Variants in TRPC4 observed in about 807,000 individuals in gnomAD.
TRPC4 encodes short transient receptor potential channel 4.
In TRPC4, 49 loss-of-function variants were observed where a neutral mutation model predicts 99.4. The observed-to-expected ratio is 0.49, with a 90% CI of 0.39 to 0.63. TRPC4 has a LOEUF of 0.63. Ranked by LOEUF, TRPC4 falls within the 20% of genes least tolerant of loss-of-function variation. The pLI is 0.00. For synonymous variants in TRPC4, 454 were observed against 425.9 expected (o/e 1.07, Z -0.81); for missense variants, 898 against 1,152.9 (o/e 0.78, Z 3.20).
At position 37,634,405 on chromosome 13, in the gene TRPC4, A is replaced by G. The variant is rs1951459303; in HGVS notation, c.*2498T>C. Among the ~76,000 whole-genome samples, 1 of 152,004 alleles carries G rather than the reference A, an allele frequency of 6.6e-6. No individual in the cohort carries two copies. Among genetic ancestry groups the G allele is most frequent in the South Asian group, 2.1e-4 (1 of 4,830 alleles). ...TAATAATATCCAGCACTTTGTTCATACTCATAAACACATCTGTCAGCAACA... is the reference window on the plus strand; with the variant it reads ...TAATAATATCCAGCACTTTGTTCATGCTCATAAACACATCTGTCAGCAACA... On this transcript the variant is annotated 3_prime_UTR_variant, in exon 11 of 11. Coordinates refer to ENST00000379705, the MANE Select transcript of TRPC4 (RefSeq NM_016179.4).
intron 2 of TRPC4, among the ~76,000 whole-genome samples, chr13:37,766,664 C>T (rs1956379308): frequency 6.6e-6 from 1 of 151,458 alleles, no homozygotes; most frequent in South Asian, 2.1e-4. Flanking sequence ...TTATGATTGG[C>T]TAACAGTAGA....
chr13:37,831,188 A>C (rs1958412858), intron 1 of TRPC4, among the ~76,000 whole-genome samples: 2 of 152,244 alleles, frequency 1.3e-5, no homozygotes, highest in Non-Finnish European at 2.9e-5. Flanking sequence ...ACATTCAATA[A>C]TAGGAAAACA....
chr13:37,644,597 G>A lies in TRPC4; in HGVS notation c.2080-5298C>T, dbSNP rs527719823. Among the ~76,000 whole-genome samples, 15 of 152,178 alleles carry A rather than the reference G, an allele frequency of 9.9e-5. No homozygotes were observed. The South Asian group carries it at 2.3e-3, about 23-fold the overall frequency. On this transcript the variant is annotated intron_variant, in intron 8 of 10. Coordinates refer to ENST00000379705, the MANE Select transcript of TRPC4 (RefSeq NM_016179.4). ...AAATTTCTGGAACTTGTGGCCGGGC[G>A]CGGTGGTTCACGCCTGTAATTCCAG...
chr13:37,660,961 C>T (rs529859291), intron 6 of TRPC4, among the ~76,000 whole-genome samples: 7 of 152,206 alleles, frequency 4.6e-5, no homozygotes, highest in African/African-American at 1.7e-4. Context: ...CCTAGGACCT[C>T]CTGCTTCCTA....
chr13:37,851,781 T>C (rs1330574587), intron 1 of TRPC4, among the ~76,000 whole-genome samples: 1 of 152,212 alleles, frequency 6.6e-6, no homozygotes, highest in East Asian at 1.9e-4. Flanking sequence ...ACCCCTCCCC[T>C]ATCCTATGGC....
chr13:37,791,418 A>T (rs989407235), intron 1 of TRPC4, among the ~76,000 whole-genome samples: 7 of 142,354 alleles, frequency 4.9e-5, no homozygotes, highest in Admixed American at 2.1e-4. Flanking sequence ...AAAAAAAAAA[A>T]GGATAAACGA....
chr13:37,792,052 T>A (rs574376286), intron 1 of TRPC4, among the ~76,000 whole-genome samples: 87 of 152,228 alleles, frequency 5.7e-4, no homozygotes, highest in Non-Finnish European at 1.1e-3. Context: ...GGTAATAACA[T>A]AATCTGATTT....
At chr13:37,679,712 T>G (rs1048531327) in intron 4 of TRPC4, among the ~76,000 whole-genome samples, 2 of 152,210 alleles carry the variant, frequency 1.3e-5, no homozygotes, top group Admixed American at 6.5e-5. Context: ...GTTTCCCGTT[T>G]TAGTCATCTT....
At chr13:37,859,263 T>C (rs956007557) in intron 1 of TRPC4, among the ~76,000 whole-genome samples, 10 of 151,164 alleles carry the variant, frequency 6.6e-5, no homozygotes, top group African/African-American at 2.4e-4. Flanking sequence ...TGACATAGTG[T>C]GAAAAGCTAC....
intron 9 of TRPC4, 25 bp downstream of exon 9, chr13:37,639,233 A>T (rs1161807786): frequency 6.2e-7 from 1 of 1,613,516 alleles, no homozygotes; most frequent in African/African-American, 1.3e-5. Context: ...TGAAAATTTC[A>T]AGACATAGTA....
chr13:37,653,333 C>A (rs1952111516), intron 7 of TRPC4, among the ~76,000 whole-genome samples: 1 of 151,848 alleles, frequency 6.6e-6, no homozygotes, highest in African/African-American at 2.4e-5. Flanking sequence ...TTCTGCCTTT[C>A]AACAGTTAAA....
At chr13:37,651,591 T>A in intron 7 of TRPC4, 132 bp from the exon 8 acceptor site, 1 of 766,968 alleles carries the variant, frequency 1.3e-6, no homozygotes. Flanking sequence ...AAACCACCAC[T>A]GACTCCCAGA....
chr13:37,857,527 C>T (rs1482307483), intron 1 of TRPC4, among the ~76,000 whole-genome samples: 2 of 151,398 alleles, frequency 1.3e-5, no homozygotes, highest in Non-Finnish European at 3.0e-5. Flanking sequence ...TACTATAATG[C>T]TATAGTAACC....
chr13:37,697,818 T>C (rs959749068), intron 3 of TRPC4, among the ~76,000 whole-genome samples: 8 of 152,216 alleles, frequency 5.3e-5, no homozygotes, highest in South Asian at 2.1e-4. Flanking sequence ...GGATTTGATG[T>C]CTAACGAAAT....
chr13:37,772,275 C>T (rs1364304192), intron 2 of TRPC4, among the ~76,000 whole-genome samples: 1 of 151,582 alleles, frequency 6.6e-6, no homozygotes, highest in African/African-American at 2.4e-5. Flanking sequence ...GAAAATATGT[C>T]CAAACAAAGC....
chr13:37,817,088 G>A (rs1406004407), intron 1 of TRPC4, among the ~76,000 whole-genome samples: 1 of 152,042 alleles, frequency 6.6e-6, no homozygotes, highest in Non-Finnish European at 1.5e-5. Context: ...AACTATCCCT[G>A]TTTGCAGACA....
At chr13:37,797,794 T>C (rs943942888) in intron 1 of TRPC4, among the ~76,000 whole-genome samples, 1 of 152,182 alleles carries the variant, frequency 6.6e-6, no homozygotes, top group African/African-American at 2.4e-5. Context: ...AAGACTAGAC[T>C]TTTTGGGCAA....
chr13:37,698,167 C>CT (rs67611413), intron 3 of TRPC4, among the ~76,000 whole-genome samples: 2 of 42,556 alleles, frequency 4.7e-5, no homozygotes, highest in African/African-American at 2.1e-4. Context: ...AAGGACTAAC[C>CT]TTTTTTTTTT....
At chr13:37,828,974 T>C (rs1212450924) in intron 1 of TRPC4, among the ~76,000 whole-genome samples, 3 of 152,022 alleles carry the variant, frequency 2.0e-5, no homozygotes, top group Admixed American at 6.6e-5. Flanking sequence ...AAATAAAAGT[T>C]AAGAAAAAAA....
Sources: allele counts gnomAD v4.1 joint callset (sites outside exome capture counted in the v4.1 genomes callset), GRCh38; gene constraint gnomAD v4.1.1; transcripts MANE v1.5; gene names NCBI Gene and HGNC (gene_info 2026-07-23, HGNC 2026-07-21).